RSRC1: variants seen among roughly 807,000 people sequenced by gnomAD.
RSRC1 encodes the protein serine/Arginine-related protein 53.
RSRC1 carries 39 observed loss-of-function variants against 49.1 expected under a neutral mutation model. That is an observed-to-expected ratio of 0.79 (90% confidence interval 0.61 to 1.04). The LOEUF (loss-of-function observed/expected upper bound fraction) is 1.04, where lower values mean the gene tolerates loss of function less well. Among genes scored for constraint, RSRC1 ranks in the 50% least tolerant of loss-of-function variants. The pLI, the probability that RSRC1 is intolerant of heterozygous loss-of-function variation, is 0.00. For synonymous variants in RSRC1, 143 were observed against 130.8 expected, an observed-to-expected ratio of 1.09 and a Z score of -0.63; for missense variants, 388 against 402.4, an observed-to-expected ratio of 0.96 and a Z score of 0.31.
At position 158,296,757 on chromosome 3, in the gene RSRC1, C is replaced by T. The variant is rs535407895; in HGVS notation, c.495-1282C>T. On this transcript the variant is annotated intron_variant, in intron 4 of 9. Coordinates refer to ENST00000611884, the MANE Select transcript of RSRC1 (RefSeq NM_001271838.2). ...TTTCAGAAACCATTAAATATCTAAA[C>T]ATTGAATATATAGTTTTGCTAAGAT... Among the ~76,000 whole-genome samples the T allele has an allele frequency of 2.0e-5, 3 of 152,098 alleles. No individual in the cohort carries two copies. The South Asian group carries it at 6.2e-4, about 32-fold the overall frequency.
chr3:158,249,601 C>T (rs556493443), intron 4 of RSRC1, among the ~76,000 whole-genome samples: 156 of 152,120 alleles, frequency 1.0e-3, no homozygotes, highest in African/African-American at 3.3e-3. Flanking sequence ...TTTGTATGGA[C>T]GTATTCTTTC....
At chr3:158,198,374 C>T (rs1720781829) in intron 3 of RSRC1, among the ~76,000 whole-genome samples, 1 of 151,986 alleles carries the variant, frequency 6.6e-6, no homozygotes, top group South Asian at 2.1e-4. Flanking sequence ...TTATTTTGAG[C>T]TTATGTGTAT....
At chr3:158,392,144 G>A (rs1338581729) in intron 6 of RSRC1, among the ~76,000 whole-genome samples, 2 of 152,070 alleles carry the variant, frequency 1.3e-5, no homozygotes, top group Non-Finnish European at 2.9e-5. Flanking sequence ...TGATTATAAT[G>A]TACTCTGCAT....
chr3:158,462,727 A>T (rs1737680534), intron 7 of RSRC1, among the ~76,000 whole-genome samples: 1 of 151,910 alleles, frequency 6.6e-6, no homozygotes, highest in Non-Finnish European at 1.5e-5. Flanking sequence ...ATCTTTTAAG[A>T]CATTTGCTTA....
intron 7 of RSRC1, among the ~76,000 whole-genome samples, chr3:158,464,076 G>C (rs1202686997): frequency 6.6e-6 from 1 of 151,946 alleles, no homozygotes; most frequent in Non-Finnish European, 1.5e-5. Context: ...AAATCTTTCA[G>C]TTCTGGTTTC....
At chr3:158,355,555 A>C (rs976642134) in intron 6 of RSRC1, among the ~76,000 whole-genome samples, 1 of 151,822 alleles carries the variant, frequency 6.6e-6, no homozygotes, top group African/African-American at 2.4e-5. Flanking sequence ...GATACCATGT[A>C]CTCTTCAAGT....
At chr3:158,369,567 T>C (rs774952652) in intron 6 of RSRC1, among the ~76,000 whole-genome samples, 2 of 152,160 alleles carry the variant, frequency 1.3e-5, no homozygotes, top group Non-Finnish European at 2.9e-5. Flanking sequence ...TCTTTCATAA[T>C]AACATTTTTT....
At chr3:158,194,441 C>T (rs949738660) in intron 3 of RSRC1, among the ~76,000 whole-genome samples, 6 of 150,194 alleles carry the variant, frequency 4.0e-5, no homozygotes, top group Non-Finnish European at 8.9e-5. Context: ...CATGAACACC[C>T]ATGACATTCT....
intron 4 of RSRC1, among the ~76,000 whole-genome samples, chr3:158,290,312 T>A (rs997357519): frequency 1.2e-4 from 18 of 152,032 alleles, no homozygotes. Context: ...TTGCTCTGTC[T>A]CCCAGGCTGG....
At chr3:158,327,784 C>A (rs1286749287) in intron 5 of RSRC1, among the ~76,000 whole-genome samples, 2 of 152,028 alleles carry the variant, frequency 1.3e-5, no homozygotes, top group Non-Finnish European at 2.9e-5. Flanking sequence ...TCCTGGATAT[C>A]CTTGTTAACT....
chr3:158,253,956 C>T (rs147673130), intron 4 of RSRC1, among the ~76,000 whole-genome samples: 15 of 152,210 alleles, frequency 9.9e-5, no homozygotes, highest in African/African-American at 2.6e-4. Context: ...TGATGTTCCC[C>T]GCCCTGTGTC....
At chr3:158,426,984 A>G (rs1253168818) in intron 6 of RSRC1, among the ~76,000 whole-genome samples, 2 of 151,820 alleles carry the variant, frequency 1.3e-5, no homozygotes, top group Admixed American at 6.6e-5. Context: ...GAAGTTATGA[A>G]TAAAAGAGAT....
intron 4 of RSRC1, among the ~76,000 whole-genome samples, chr3:158,228,957 C>A (rs1722704943): frequency 1.1e-5 from 1 of 93,198 alleles, no homozygotes; most frequent in African/African-American, 5.4e-5. Context: ...TGTGTATAAA[C>A]ACACATACGT....
chr3:158,200,221 G>A (rs1184073566), intron 3 of RSRC1, among the ~76,000 whole-genome samples: 4 of 152,014 alleles, frequency 2.6e-5, no homozygotes, highest in African/African-American at 9.7e-5. Flanking sequence ...GTATTTTTTA[G>A]TAGAGACAGG....
chr3:158,532,154 A>G (rs1191759506), intron 7 of RSRC1, among the ~76,000 whole-genome samples: 1 of 151,898 alleles, frequency 6.6e-6, no homozygotes, highest in Non-Finnish European at 1.5e-5. Flanking sequence ...ATAGTAACAT[A>G]AGTAACTCAG....
intron 7 of RSRC1, among the ~76,000 whole-genome samples, chr3:158,491,549 T>C (rs1252395945): frequency 6.6e-6 from 1 of 152,200 alleles, no homozygotes; most frequent in Non-Finnish European, 1.5e-5. Flanking sequence ...ATAATTGGCT[T>C]TGTTATAATA....
Position 158,205,620 on chromosome 3 carries a change from G to A in RSRC1, c.494+2375G>A, listed in dbSNP as rs575775991. ...TTTTCCAGTAGGAAAAGTAAAAAGA[G>A]CTGTGGAAACACTGTACCAGTTAGG... On this transcript the variant is annotated intron_variant, in intron 4 of 9. Coordinates refer to ENST00000611884, the MANE Select transcript of RSRC1 (RefSeq NM_001271838.2). 2.6e-5 allele frequency among the ~76,000 whole-genome samples: 4 copies of A among 152,212 alleles called. No individual in the cohort carries two copies. In the East Asian group the frequency reaches 7.7e-4, roughly 29 times the overall value.
At chr3:158,501,342 T>A (rs1326132691) in intron 7 of RSRC1, among the ~76,000 whole-genome samples, 2 of 152,170 alleles carry the variant, frequency 1.3e-5, no homozygotes, top group Non-Finnish European at 2.9e-5. Flanking sequence ...CTGGGGTTGT[T>A]GGTTGAAATG....
intron 1 of RSRC1, among the ~76,000 whole-genome samples, chr3:158,114,879 G>C (rs953025272): frequency 6.6e-6 from 1 of 152,126 alleles, no homozygotes; most frequent in Non-Finnish European, 1.5e-5. Context: ...GAAGTTGCTT[G>C]TCAGCTTAAT....
Sources: gnomAD v4.1 joint callset for allele counts (sites outside exome capture counted in the v4.1 genomes callset) on GRCh38, gnomAD v4.1.1 for gene constraint, MANE v1.5 for transcripts, NCBI Gene and HGNC (gene_info 2026-07-23, HGNC 2026-07-21) for gene names.